The following CELF4 variants were observed in gnomAD, a reference collection of about 807,000 sequenced individuals.
CELF4 encodes the protein CUGBP Elav-like family member 4, also known as CUG-BP- and ETR-3-like factor 4.
CELF4 carries 18 observed loss-of-function variants against 59.9 expected under a neutral mutation model. The ratio of observed to expected loss-of-function variants is 0.30; its 90% CI spans 0.21 to 0.45. CELF4 has a LOEUF of 0.45. Among genes scored for constraint, CELF4 ranks in the 20% least tolerant of loss-of-function variants. The probability of loss-of-function intolerance (pLI) is 1.00; values close to 1 mark genes in which losing one functional copy is unlikely to be tolerated. For synonymous variants in CELF4, 261 were observed against 267.1 expected (o/e 0.98, Z 0.22); for missense variants, 456 against 689.0 (o/e 0.66, Z 3.79).
chr18:37,552,497 C>T (rs772275092), intron 1 of CELF4, among the ~76,000 whole-genome samples: 14 of 152,238 alleles, frequency 9.2e-5, no homozygotes, highest in African/African-American at 1.7e-4. Context: ...CCCCAACTCC[C>T]GCCCCAGCAG....
intron 1 of CELF4, among the ~76,000 whole-genome samples, chr18:37,563,410 G>A (rs995545488): frequency 8.5e-5 from 13 of 152,134 alleles, no homozygotes; most frequent in Middle Eastern, 3.4e-3. Flanking sequence ...TCATTAAGAT[G>A]AGCAGAAGAC....
chr18:37,556,082 T>G (rs982436422), intron 1 of CELF4, among the ~76,000 whole-genome samples: 1 of 152,206 alleles, frequency 6.6e-6, no homozygotes, highest in Non-Finnish European at 1.5e-5. Context: ...TACACTGTGA[T>G]GTAGCGTTTG....
chr18:37,298,383 C>T (rs753802743), intron 3 of CELF4, among the ~76,000 whole-genome samples: 8 of 152,214 alleles, frequency 5.3e-5, no homozygotes, highest in Non-Finnish European at 1.0e-4. Context: ...CATGTCACTG[C>T]TCTACTCAAG....
At chr18:37,563,915 CT>C (rs1461525560) in intron 1 of CELF4, among the ~76,000 whole-genome samples, 4 of 152,264 alleles carry the variant, frequency 2.6e-5, no homozygotes, top group African/African-American at 9.6e-5. Context: ...GAAGGGAGGG[CT>C]GGAGAAAGAG....
intron 2 of CELF4, among the ~76,000 whole-genome samples, chr18:37,382,044 A>G (rs945034900): frequency 5.3e-5 from 8 of 152,208 alleles, no homozygotes; most frequent in Admixed American, 2.0e-4. Flanking sequence ...TTTATGTTAA[A>G]CCTGGTGGTC....
At chr18:37,327,744 C>G (rs1163312177) in intron 2 of CELF4, among the ~76,000 whole-genome samples, 3 of 152,194 alleles carry the variant, frequency 2.0e-5, no homozygotes, top group Admixed American at 2.0e-4. Context: ...CCCATGGGAT[C>G]ATGGGCCCTC....
chr18:37,524,803 G>A (rs1040223836), intron 1 of CELF4, among the ~76,000 whole-genome samples: 1 of 152,080 alleles, frequency 6.6e-6, no homozygotes, highest in African/African-American at 2.4e-5. Context: ...TGCGCTCTAC[G>A]CCCTCCGCGC....
intron 10 of CELF4, among the ~76,000 whole-genome samples, chr18:37,259,524 G>A (rs1370049452): frequency 6.6e-6 from 1 of 152,192 alleles, no homozygotes; most frequent in African/African-American, 2.4e-5. Flanking sequence ...CTATAAAATG[G>A]ATCTGTAGCA....
intron 7 of CELF4, among the ~76,000 whole-genome samples, chr18:37,271,566 C>G (rs1384459357): frequency 6.6e-6 from 1 of 152,148 alleles, no homozygotes; most frequent in Non-Finnish European, 1.5e-5. Context: ...TTCCTTAAGT[C>G]TTTTTCAGTG....
intron 1 of CELF4, among the ~76,000 whole-genome samples, chr18:37,554,614 T>C (rs1248189913): frequency 6.6e-6 from 1 of 152,180 alleles, no homozygotes; most frequent in Non-Finnish European, 1.5e-5. Context: ...TCCCTTTCAG[T>C]TGCCTTGACG....
chr18:37,400,705 G>C (rs1244432179), intron 2 of CELF4, among the ~76,000 whole-genome samples: 1 of 152,214 alleles, frequency 6.6e-6, no homozygotes, highest in Non-Finnish European at 1.5e-5. Context: ...ACAAAGGCAA[G>C]CTGGATTCTG....
rs8096147 is a variant in CELF4 at position 37,405,100 on chromosome 18, C to G, written c.369+80425G>C. Among the ~76,000 whole-genome samples the G allele has an allele frequency of 5.7e-3, 869 of 152,376 alleles. 11 individuals carry two copies. The highest frequency in any genetic ancestry group is 0.02 in the African/African-American group (829 of 41,588). On this transcript the variant is annotated intron_variant, in intron 2 of 12. Transcript: ENST00000420428. ...CCTGAAAGCAGGCCCCAACCCCCCCCGTGTCCTTTCCTTCAGATTCCTGGT... is the reference window on the plus strand; with the variant it reads ...CCTGAAAGCAGGCCCCAACCCCCCCGGTGTCCTTTCCTTCAGATTCCTGGT...
chr18:37,542,371 T>C (rs1002250761), intron 1 of CELF4, among the ~76,000 whole-genome samples: 2 of 152,022 alleles, frequency 1.3e-5, no homozygotes, highest in African/African-American at 4.8e-5. Flanking sequence ...GCTGCTCTGA[T>C]CTTCCATGGT....
intron 2 of CELF4, among the ~76,000 whole-genome samples, chr18:37,364,902 C>T (rs930101657): frequency 6.6e-6 from 1 of 152,044 alleles, no homozygotes; most frequent in African/African-American, 2.4e-5. Context: ...GAGCTCAAGA[C>T]GGGCAGACAA....
intron 2 of CELF4, among the ~76,000 whole-genome samples, chr18:37,366,876 C>A (rs1603629108): frequency 6.6e-6 from 1 of 152,230 alleles, no homozygotes; most frequent in Non-Finnish European, 1.5e-5. Context: ...CTTCACTTCT[C>A]TCTGCTTCCA....
At chr18:37,320,693 A>T (rs2097081811) in intron 3 of CELF4, among the ~76,000 whole-genome samples, 1 of 152,176 alleles carries the variant, frequency 6.6e-6, no homozygotes, top group African/African-American at 2.4e-5. Context: ...CTCAGTTCAG[A>T]GCAACGTCTG....
intron 2 of CELF4, among the ~76,000 whole-genome samples, chr18:37,443,859 G>T (rs187349034): frequency 5.5e-4 from 84 of 152,286 alleles, no homozygotes; most frequent in Non-Finnish European, 1.0e-3. Context: ...TGCCCAGCGA[G>T]ATGTCAATTC....
intron 3 of CELF4, among the ~76,000 whole-genome samples, chr18:37,305,089 T>C (rs1292527807): frequency 1.3e-5 from 2 of 152,090 alleles, no homozygotes; most frequent in Admixed American, 1.3e-4. Flanking sequence ...TAAAAATATC[T>C]GGGAGAAGTG....
chr18:37,438,068 C>T (rs2099699083), intron 2 of CELF4, among the ~76,000 whole-genome samples: 2 of 152,168 alleles, frequency 1.3e-5, no homozygotes, highest in Middle Eastern at 3.2e-3. Context: ...AGAGCCCTCA[C>T]CAGACACTGA....
Sources: allele counts gnomAD v4.1 joint callset (sites outside exome capture counted in the v4.1 genomes callset), GRCh38; gene constraint gnomAD v4.1.1; transcripts MANE v1.5; gene names NCBI Gene and HGNC (gene_info 2026-07-23, HGNC 2026-07-21).